PDE6A: variants seen among roughly 807,000 people sequenced by gnomAD.
The protein encoded by PDE6A is rod cGMP-specific 3',5'-cyclic phosphodiesterase subunit alpha.
PDE6A carries 84 observed loss-of-function variants against 106.3 expected under a neutral mutation model. The observed-to-expected ratio is 0.79, with a 90% CI of 0.66 to 0.95. PDE6A has a LOEUF of 0.95. PDE6A is among the 40% of genes least tolerant of loss of function. PDE6A has a pLI of 0.00. For missense variants in PDE6A, 1,052 were observed against 1,084.9 expected, an observed-to-expected ratio of 0.97 and a Z score of 0.43; for synonymous variants, 394 against 386.6, an observed-to-expected ratio of 1.02 and a Z score of -0.23.
At chr5:149,923,509 AT>A (rs1414162235) in intron 4 of PDE6A, among the ~76,000 whole-genome samples, 1 of 176 alleles carries the variant, frequency 5.7e-3, no homozygotes, top group African/African-American at 0.011. Flanking sequence ...AATAAATAAC[AT>A]AACATAACAT....
In PDE6A at chr5:149,860,837, T is replaced by G; in HGVS notation, c.*58A>C. 24 of 1,418,392 alleles carry G rather than the reference T, an allele frequency of 1.7e-5. No homozygotes were observed. Among genetic ancestry groups the G allele is most frequent in the Non-Finnish European group, 2.1e-5 (21 of 1,001,944 alleles). 87.9% of individuals were successfully genotyped at this position (1,418,392 alleles called of 1,614,324 possible). Reference sequence around the variant, plus strand: ...CAAGGTGTGTGGTCTTCCACTGGCTTGAGTCATCTCTTCCCAGGAAAGGGT... The same window carrying G: ...CAAGGTGTGTGGTCTTCCACTGGCTGGAGTCATCTCTTCCCAGGAAAGGGT... On this transcript the variant is annotated 3_prime_UTR_variant, in exon 22 of 22. Coordinates refer to ENST00000255266, the MANE Select transcript of PDE6A (RefSeq NM_000440.3).
chr5:149,867,883 A>T, intron 18 of PDE6A, 84 bp from the exon 19 acceptor site: 1 of 1,346,558 alleles, frequency 7.4e-7, no homozygotes, highest in Non-Finnish European at 1.1e-6. Flanking sequence ...TTGCAATTCC[A>T]AATCAACAAA....
intron 17 of PDE6A, among the ~76,000 whole-genome samples, chr5:149,876,726 G>C (rs888751672): frequency 1.3e-5 from 2 of 152,090 alleles, no homozygotes; most frequent in African/African-American, 4.8e-5. Context: ...GGCTGGTCTT[G>C]AACCTCTGAG....
Position 149,907,318 on chromosome 5 carries a change from A to T in PDE6A, c.1059T>A (p.Asn353Lys). 6.2e-7 allele frequency: 1 copy of T among 1,613,182 alleles called. No individual in the cohort carries two copies. Among genetic ancestry groups the T allele is most frequent in the East Asian group, 2.2e-5 (1 of 44,882 alleles). The change falls in exon 7 of 22, where the codon AAT becomes AAA. Residue 353 changes from asparagine (N) to lysine (K), a missense_variant. This residue lies in a region of PDE6A where 913 missense variants were observed against 915.2 expected (regional missense o/e 1.00). Coordinates refer to ENST00000255266, the MANE Select transcript of PDE6A (RefSeq NM_000440.3). ...TCAAAGTTATATTACTTACCAGGCC[A>T]TTCTGGGCAACATAAGCTGGGAGAC... Reference protein sequence around the residue: ...VSGLPAYVAQNGLICNIMNAP... With the variant: ...VSGLPAYVAQKGLICNIMNAP...
At chr5:149,883,079 CA>C (rs1760989716) in intron 17 of PDE6A, among the ~76,000 whole-genome samples, 2 of 152,002 alleles carry the variant, frequency 1.3e-5, no homozygotes, top group Non-Finnish European at 2.9e-5. Flanking sequence ...CAAAACAAAA[CA>C]AAAACCCCTT....
At chr5:149,882,174 G>A (rs1489943919) in intron 17 of PDE6A, among the ~76,000 whole-genome samples, 2 of 152,016 alleles carry the variant, frequency 1.3e-5, no homozygotes, top group Admixed American at 6.5e-5. Context: ...AAAGCAGATT[G>A]CACTGCTCCC....
chr5:149,876,788 T>A (rs1020785048), intron 17 of PDE6A, among the ~76,000 whole-genome samples: 7 of 152,172 alleles, frequency 4.6e-5, no homozygotes, highest in Non-Finnish European at 1.0e-4. Context: ...TTCCTATTTT[T>A]AAATTTAAAT....
rs1265680220 is a variant in PDE6A, at chr5:149,934,580, TG to T, written c.612del (p.Lys205ArgfsTer16). 2 of 1,614,122 alleles carry T rather than the reference TG, an allele frequency of 1.2e-6. No homozygotes were observed. The highest frequency in any genetic ancestry group is 1.7e-6 in the Non-Finnish European group (2 of 1,179,958). On this transcript the variant is annotated frameshift_variant, in exon 2 of 22. Transcript: ENST00000255266. LOFTEE classifies it high-confidence loss of function. Reference protein sequence around the residue: ...AVNKVDGSHFTKRDEEILLKY... With the variant: ...AVNKVDGSHFXKRDEEILLKY... ...AGCATTCTTACCTCTTCATCTCTCT[TG>T]GTGAAGTGGGATCCATCCACTTTAT...
chr5:149,942,085 C>T (rs1754342473), intron 1 of PDE6A, among the ~76,000 whole-genome samples: 1 of 152,096 alleles, frequency 6.6e-6, no homozygotes. Flanking sequence ...TCTCAGCCTC[C>T]AGAGTAGACA....
intron 21 of PDE6A, among the ~76,000 whole-genome samples, chr5:149,862,629 G>A (rs1052114073): frequency 6.6e-6 from 1 of 152,188 alleles, no homozygotes; most frequent in African/African-American, 2.4e-5. Context: ...ATGGCACTGG[G>A]TGCCTGTAAT....
At chr5:149,902,858 A>G (rs77455330) in intron 8 of PDE6A, among the ~76,000 whole-genome samples, 8,916 of 151,732 alleles carry the variant, frequency 0.059, 836 homozygotes, top group African/African-American at 0.2. Flanking sequence ...AATTACATTC[A>G]GCCAGAGGAA....
At chr5:149,914,904 A>G (rs1753504153) in intron 6 of PDE6A, 39 bp downstream of exon 6, 1 of 1,371,234 alleles carries the variant, frequency 7.3e-7, no homozygotes, top group South Asian at 1.2e-5. Flanking sequence ...TCTTTAAGCT[A>G]ATTTGTTGTC....
At position 149,907,483 on chromosome 5, in the gene PDE6A, C is replaced by T. The variant is rs1343247129; in HGVS notation, c.999-105G>A. The T allele has an allele frequency of 8.3e-6, 7 of 842,340 alleles. No homozygotes were observed. In the Admixed American group the frequency reaches 9.2e-5, roughly 11 times the overall value. 52.2% of individuals were successfully genotyped at this position (842,340 alleles called of 1,614,324 possible). A position where few individuals can be genotyped will look rare whatever the true frequency, so the allele number is the denominator to read the frequency against. The stretch of plus-strand genomic sequence containing the variant: ...CCCCCTGCTCTCAGGTGGCTCTCAG[C>T]ACCTGCTTACATTCACTACACCTGA... On this transcript the variant is annotated intron_variant, in intron 6 of 21. Transcript: ENST00000255266.
At chr5:149,905,014 G>C (rs556915489) in intron 7 of PDE6A, among the ~76,000 whole-genome samples, 2 of 152,148 alleles carry the variant, frequency 1.3e-5, no homozygotes, top group African/African-American at 4.8e-5. Context: ...TTTCACTGGG[G>C]CCACCAATAA....
intron 6 of PDE6A, among the ~76,000 whole-genome samples, chr5:149,912,763 T>C (rs371341042): frequency 2.6e-5 from 4 of 152,196 alleles, no homozygotes; most frequent in East Asian, 3.9e-4. Flanking sequence ...GGTCTTGTTA[T>C]GAAAGCAGAG....
chr5:149,931,138 C>G lies in PDE6A; in HGVS notation c.748G>C (p.Glu250Gln). ...ILLWSGSKVF[E>Q]ELTDIERQFH... ...TGTCGTTCGATGTCCGTAAGTTCTTCAAAGACTTTGCTCCCAGACCACAGC... is the reference window on the plus strand; with the variant it reads ...TGTCGTTCGATGTCCGTAAGTTCTTGAAAGACTTTGCTCCCAGACCACAGC... Residue 250 changes from glutamate (E) to glutamine (Q), a missense_variant, in exon 4 of 22, where the codon GAA becomes CAA. This residue lies in a region of PDE6A where 913 missense variants were observed against 915.2 expected (regional missense o/e 1.00). Transcript: ENST00000255266. 1 of 1,614,160 alleles carries G rather than the reference C, an allele frequency of 6.2e-7. No individual in the cohort carries two copies. The highest frequency in any genetic ancestry group is 8.5e-7 in the Non-Finnish European group (1 of 1,180,034).
chr5:149,907,476 C>T (rs778231762), intron 6 of PDE6A, 98 bp from the exon 7 acceptor site: 6 of 891,856 alleles, frequency 6.7e-6, no homozygotes, highest in Non-Finnish European at 1.1e-5. Flanking sequence ...TCTCAGGTGG[C>T]TCTCAGCACC....
In PDE6A at chr5:149,914,967, C is replaced by T. The variant is rs1291072367; in HGVS notation, c.974G>A (p.Gly325Asp). ...FYKVIDYILH[G>D]KEDIKVIPNP... is the part of the protein sequence containing the mutation. ...CGGGATGACTTTGATGTCCTCTTTG[C>T]CATGCAGGATGTAGTCAATGACCTT... Residue 325 changes from glycine (G) to aspartate (D), a missense_variant, in exon 6 of 22, where the codon GGC becomes GAC. This residue lies in a region of PDE6A where 913 missense variants were observed against 915.2 expected (regional missense o/e 1.00). Coordinates refer to ENST00000255266, the MANE Select transcript of PDE6A (RefSeq NM_000440.3). 2 of 1,610,098 alleles carry T rather than the reference C, an allele frequency of 1.2e-6. No individual in the cohort carries two copies. Among genetic ancestry groups the T allele is most frequent in the African/African-American group, 2.7e-5 (2 of 74,678 alleles).
At chr5:149,881,250 G>A (rs926086321) in intron 17 of PDE6A, among the ~76,000 whole-genome samples, 4 of 152,072 alleles carry the variant, frequency 2.6e-5, no homozygotes, top group African/African-American at 7.2e-5. Flanking sequence ...TACTGGGTGT[G>A]TATCCAAAAG....
Sources: gnomAD v4.1 joint callset for allele counts (sites outside exome capture counted in the v4.1 genomes callset) on GRCh38, gnomAD v4.1.1 for gene constraint, gnomAD v4.1.1 regional missense constraint, MANE v1.5 for transcripts, NCBI Gene and HGNC (gene_info 2026-07-23, HGNC 2026-07-21) for gene names.